Variants in IQCH observed in about 807,000 individuals in gnomAD.
IQCH encodes IQ motif containing H.
In IQCH, 98 loss-of-function variants were observed where a neutral mutation model predicts 117.0. The observed-to-expected ratio is 0.84, with a 90% confidence interval of 0.71 to 0.99. IQCH has a LOEUF of 0.99. Among genes scored for constraint, IQCH ranks in the 50% least tolerant of loss-of-function variants. The pLI is 0.00. For synonymous variants in IQCH, 412 were observed against 448.2 expected, an observed-to-expected ratio of 0.92 and a Z score of 1.02; for missense variants, 1,102 against 1,243.8, an observed-to-expected ratio of 0.89 and a Z score of 1.72.
Position 67,494,228 on chromosome 15 carries a change from T to G in IQCH, c.2862-30T>G. The G allele has an allele frequency of 6.6e-7, 1 of 1,526,212 alleles. No homozygotes were observed. Among genetic ancestry groups the G allele is most frequent in the Non-Finnish European group, 8.9e-7 (1 of 1,119,028 alleles). 94.5% of individuals were successfully genotyped at this position (1,526,212 alleles called of 1,614,324 possible). A position where few individuals can be genotyped will look rare whatever the true frequency, so the allele number is the denominator to read the frequency against. ...TTAAGCATGTGAAGGGAATCGTTGG[T>G]AAACTCATTTGTTTGGATATCATTA... On this transcript the variant is annotated intron_variant, in intron 19 of 20. Coordinates refer to ENST00000335894, the MANE Select transcript of IQCH (RefSeq NM_001031715.3). This position sits in a 1 kb window ranked among gnomAD's most constrained non-coding sequence, Gnocchi z 5.5.
At chr15:67,441,072 C>T (rs1376280291) in intron 16 of IQCH, among the ~76,000 whole-genome samples, 2 of 133,622 alleles carry the variant, frequency 1.5e-5, no homozygotes, top group Non-Finnish European at 3.1e-5. Context: ...ATACCAACAG[C>T]GACCAAGTGG....
Position 67,447,096 on chromosome 15 carries a change from G to A in IQCH, c.2506-18031G>A, listed in dbSNP as rs1417856571. Among the ~76,000 whole-genome samples, 4 of 152,164 alleles carry A rather than the reference G, an allele frequency of 2.6e-5. No individual in the cohort carries two copies. Among genetic ancestry groups the A allele is most frequent in the East Asian group, 1.9e-4 (1 of 5,196 alleles). Reference sequence around the variant, plus strand: ...CCTGGATCTTTGTCCTCGCCCTGCCGCTGAGCTGTGGAACTTGGCACGTTC... The same window carrying A: ...CCTGGATCTTTGTCCTCGCCCTGCCACTGAGCTGTGGAACTTGGCACGTTC... On this transcript the variant is annotated intron_variant, in intron 16 of 20. Coordinates refer to ENST00000335894, the MANE Select transcript of IQCH (RefSeq NM_001031715.3). The surrounding 1 kb of genome is among the most constrained non-coding windows in gnomAD (Gnocchi z 5.3).
At position 67,344,046 on chromosome 15, in the gene IQCH, TTAA is replaced by T. The variant is rs1339798339; in HGVS notation, c.509-15_509-13del. The T allele has an allele frequency of 6.2e-7, 1 of 1,607,486 alleles. No homozygotes were observed. The highest frequency in any genetic ancestry group is 1.7e-5 in the Admixed American group (1 of 59,376). On this transcript the variant is annotated splice_polypyrimidine_tract_variant and intron_variant, in intron 5 of 20. Coordinates refer to ENST00000335894, the MANE Select transcript of IQCH (RefSeq NM_001031715.3). ...TGCTTGGAATTAAACTCACATTTTATTAATGTTTCTTTTTAGGGATTTTAAGTA... is the reference window on the plus strand; with the variant it reads ...TGCTTGGAATTAAACTCACATTTTATTGTTTCTTTTTAGGGATTTTAAGTA...
chr15:67,255,959 G>A (rs1009501774), intron 1 of IQCH, among the ~76,000 whole-genome samples: 4 of 152,058 alleles, frequency 2.6e-5, no homozygotes, highest in Admixed American at 1.3e-4. Flanking sequence ...CTGAGGGAAC[G>A]GTCCACAAAA....
intron 16 of IQCH, among the ~76,000 whole-genome samples, chr15:67,441,122 C>CAAAAAAAAAAAAAAAAAAAAAAAAAAAAA (rs200254535): frequency 1.9e-5 from 1 of 53,974 alleles, no homozygotes; most frequent in African/African-American, 7.1e-5. Context: ...GCAATAGCTG[C>CAAAAAAAAAAAAAAAAAAAAAAAAAAAAA]AAAAAAAAAA....
chr15:67,292,321 C>T (rs1262738081), intron 4 of IQCH, among the ~76,000 whole-genome samples: 1 of 152,154 alleles, frequency 6.6e-6, no homozygotes, highest in Admixed American at 6.6e-5. Context: ...ACAATCATGG[C>T]TCATCATGCA....
At chr15:67,371,572 C>T in intron 8 of IQCH, 2 of 1,221,752 alleles carry the variant, frequency 1.6e-6, no homozygotes, top group Non-Finnish European at 1.2e-6. Context: ...TAAAAATGAC[C>T]TCTGGATATT....
rs2082409238 is a variant in IQCH, at chr15:67,447,185, G to A, written c.2506-17942G>A. On this transcript the variant is annotated intron_variant, in intron 16 of 20. Transcript: ENST00000335894. This position sits in a 1 kb window ranked among gnomAD's most constrained non-coding sequence, Gnocchi z 5.3. ...GGAGTATGAATACCAAACCCATAAA[G>A]TTGTTCGGAGGATGATATGAGCAAA... Among the ~76,000 whole-genome samples, 1 of 152,218 alleles carries A rather than the reference G, an allele frequency of 6.6e-6. No homozygotes were observed. Among genetic ancestry groups the A allele is most frequent in the South Asian group, 2.1e-4 (1 of 4,830 alleles).
At chr15:67,495,602 T>C (rs1210729190) in intron 20 of IQCH, among the ~76,000 whole-genome samples, 1 of 152,230 alleles carries the variant, frequency 6.6e-6, no homozygotes, top group Non-Finnish European at 1.5e-5. Flanking sequence ...ATTCAGCCTG[T>C]CCAAATATAG....
At chr15:67,267,578 C>T (rs1011686113) in intron 3 of IQCH, among the ~76,000 whole-genome samples, 1 of 152,158 alleles carries the variant, frequency 6.6e-6, no homozygotes, top group African/African-American at 2.4e-5. Context: ...GACTGGAACC[C>T]GGCAGTCAGG....
Position 67,472,701 on chromosome 15 carries a change from TCTCA to T in IQCH, c.2677-2991_2677-2988del, listed in dbSNP as rs2083101622. Reference sequence around the variant, plus strand: ...GGCCTTGTCAGGTTCTGAACTTCTTTCTCACTCCATATAACCTTTCCACTGCAGA... The same window carrying T: ...GGCCTTGTCAGGTTCTGAACTTCTTTCTCCATATAACCTTTCCACTGCAGA... On this transcript the variant is annotated intron_variant, in intron 17 of 20. Transcript: ENST00000335894. This position sits in a 1 kb window ranked among gnomAD's most constrained non-coding sequence, Gnocchi z 4.3. Among the ~76,000 whole-genome samples the T allele has an allele frequency of 6.6e-6, 1 of 152,176 alleles. No individual in the cohort carries two copies. The highest frequency in any genetic ancestry group is 1.5e-5 in the Non-Finnish European group (1 of 68,040).
rs1596360941 is a variant in IQCH at position 67,430,561 on chromosome 15, G to A, written c.2505+8984G>A. 6.6e-6 allele frequency among the ~76,000 whole-genome samples: 1 copy of A among 152,000 alleles called. No individual in the cohort carries two copies. The highest frequency in any genetic ancestry group is 2.4e-5 in the African/African-American group (1 of 41,380). ...AGATTTTTTTAATCCTTTAGAAAAT[G>A]TACTAGGCCTTGAATTTTTTTTACC... On this transcript the variant is annotated intron_variant, in intron 16 of 20. Transcript: ENST00000335894. This position sits in a 1 kb window ranked among gnomAD's most constrained non-coding sequence, Gnocchi z 5.1.
chr15:67,389,030 T>C (rs112537551), intron 12 of IQCH, 24 bp downstream of exon 12: 17 of 1,583,932 alleles, frequency 1.1e-5, no homozygotes, highest in African/African-American at 8.1e-5. Flanking sequence ...CTAATTACTA[T>C]GGTTTCAGGG....
intron 4 of IQCH, among the ~76,000 whole-genome samples, chr15:67,329,366 AAAAT>A (rs1305132899): frequency 6.6e-6 from 1 of 152,184 alleles, no homozygotes; most frequent in Non-Finnish European, 1.5e-5. Context: ...CCTGGTGTGA[AAAAT>A]AATTTATGGA....
chr15:67,378,102 T>C (rs1970799696), intron 10 of IQCH, among the ~76,000 whole-genome samples: 1 of 152,138 alleles, frequency 6.6e-6, no homozygotes, highest in Non-Finnish European at 1.5e-5. Flanking sequence ...CTTATGAGAC[T>C]CTTGCTTCCT....
At chr15:67,272,879 GT>G (rs1360308586) in intron 3 of IQCH, among the ~76,000 whole-genome samples, 1 of 152,170 alleles carries the variant, frequency 6.6e-6, no homozygotes, top group East Asian at 1.9e-4. Flanking sequence ...GCCACACTGT[GT>G]TTTTTAATTG....
chr15:67,264,354 A>T (rs1965581445), intron 3 of IQCH, among the ~76,000 whole-genome samples: 2 of 152,260 alleles, frequency 1.3e-5, no homozygotes, highest in South Asian at 4.1e-4. Flanking sequence ...TGGGTCAGGA[A>T]TCTGGGCACA....
In IQCH at chr15:67,459,414, G is replaced by A. The variant is rs1230526553; in HGVS notation, c.2506-5713G>A. Among the ~76,000 whole-genome samples, 1 of 152,090 alleles carries A rather than the reference G, an allele frequency of 6.6e-6. No homozygotes were observed. The highest frequency in any genetic ancestry group is 1.9e-4 in the East Asian group (1 of 5,194). On this transcript the variant is annotated intron_variant, in intron 16 of 20. Transcript: ENST00000335894. This position sits in a 1 kb window ranked among gnomAD's most constrained non-coding sequence, Gnocchi z 4.2. The stretch of plus-strand genomic sequence containing the variant: ...AGAACTTTATTTGCACAGAATGTAG[G>A]GCCTGAGCACATCTGCCCACATCTG...
chr15:67,485,859 G>A (rs1431444127), intron 18 of IQCH, among the ~76,000 whole-genome samples: 4 of 151,672 alleles, frequency 2.6e-5, no homozygotes, highest in Non-Finnish European at 4.4e-5. Flanking sequence ...GGGTTTCACC[G>A]TGTTGGTCAG....
Sources: allele counts gnomAD v4.1 joint callset (sites outside exome capture counted in the v4.1 genomes callset), GRCh38; gene constraint gnomAD v4.1.1; non-coding constraint Gnocchi (gnomAD v3.1); transcripts MANE v1.5; gene names NCBI Gene and HGNC (gene_info 2026-07-23, HGNC 2026-07-21).